The following NRXN1 variants were observed in gnomAD, a reference collection of about 807,000 sequenced individuals.
The protein encoded by NRXN1 is neurexin 1.
In NRXN1, 39 loss-of-function variants were observed where a neutral mutation model predicts 150.9. The ratio of observed to expected loss-of-function variants is 0.26; its 90% CI spans 0.20 to 0.34. The LOEUF (loss-of-function observed/expected upper bound fraction) is 0.34. Among genes scored for constraint, NRXN1 ranks in the 10% least tolerant of loss-of-function variants. The pLI, the probability that NRXN1 is intolerant of heterozygous loss-of-function variation, is 1.00. For synonymous variants in NRXN1, 924 were observed against 757.0 expected, an observed-to-expected ratio of 1.22 and a Z score of -3.62; for missense variants, 1,815 against 1,949.9, an observed-to-expected ratio of 0.93 and a Z score of 1.30.
chr2:50,701,485 C>A (rs755067760), intron 5 of NRXN1, among the ~76,000 whole-genome samples: 2 of 152,126 alleles, frequency 1.3e-5, no homozygotes, highest in Non-Finnish European at 2.9e-5. Flanking sequence ...AACCTTTTGC[C>A]TACATATATA....
At chr2:50,858,561 A>G (rs1675607733) in intron 5 of NRXN1, among the ~76,000 whole-genome samples, 1 of 147,858 alleles carries the variant, frequency 6.8e-6, no homozygotes, top group Non-Finnish European at 1.5e-5. Context: ...AATACCACAT[A>G]TCAAAAGGCT....
At chr2:50,538,127 A>T in intron 10 of NRXN1, 126 bp downstream of exon 10, 1 of 1,064,178 alleles carries the variant, frequency 9.4e-7, no homozygotes. Context: ...ATGGCTGCTC[A>T]GCTTGCAAAC....
chr2:50,260,699 C>G (rs1013398743), intron 17 of NRXN1, among the ~76,000 whole-genome samples: 1 of 142,710 alleles, frequency 7.0e-6, no homozygotes, highest in African/African-American at 2.6e-5. Flanking sequence ...CAGACCTAAC[C>G]TGTAGAAATG....
At chr2:50,763,300 G>A (rs1439475019) in intron 5 of NRXN1, among the ~76,000 whole-genome samples, 18 of 151,836 alleles carry the variant, frequency 1.2e-4, no homozygotes, top group Non-Finnish European at 1.5e-5. Flanking sequence ...TCAGACAGCT[G>A]GTCAGGTCTA....
chr2:51,025,744 A>G (rs527275048), intron 2 of NRXN1, among the ~76,000 whole-genome samples: 1 of 152,188 alleles, frequency 6.6e-6, no homozygotes, highest in Non-Finnish European at 1.5e-5. Flanking sequence ...TTCATGATTC[A>G]CAAGTAGATT....
chr2:50,403,941 A>G (rs1367117865), intron 17 of NRXN1, among the ~76,000 whole-genome samples: 1 of 152,082 alleles, frequency 6.6e-6, no homozygotes, highest in African/African-American at 2.4e-5. Context: ...CAATGTTCTG[A>G]GTTGTTGGAA....
At chr2:50,542,581 TA>T (rs1351076679) in intron 9 of NRXN1, among the ~76,000 whole-genome samples, 1 of 152,212 alleles carries the variant, frequency 6.6e-6, no homozygotes, top group Non-Finnish European at 1.5e-5. Flanking sequence ...AAAATCTTTG[TA>T]AAAGAGATGG....
intron 5 of NRXN1, among the ~76,000 whole-genome samples, chr2:50,781,505 A>G (rs1704343784): frequency 6.6e-6 from 1 of 152,208 alleles, no homozygotes; most frequent in Non-Finnish European, 1.5e-5. Flanking sequence ...GGAAGGAAGG[A>G]GAGTGATTCA....
intron 2 of NRXN1, among the ~76,000 whole-genome samples, chr2:50,929,073 AC>A (rs1034313284): frequency 6.6e-6 from 1 of 152,072 alleles, no homozygotes; most frequent in Non-Finnish European, 1.5e-5. Context: ...CTGTGTGCTG[AC>A]AAGAAGGCAA....
chr2:50,278,171 C>G (rs1224549807), intron 17 of NRXN1, among the ~76,000 whole-genome samples: 3 of 136,154 alleles, frequency 2.2e-5, no homozygotes, highest in Non-Finnish European at 3.1e-5. Flanking sequence ...GTGATCTTCC[C>G]AAGTCAGCAT....
At chr2:50,778,362 G>C (rs1383467007) in intron 5 of NRXN1, among the ~76,000 whole-genome samples, 1 of 152,144 alleles carries the variant, frequency 6.6e-6, no homozygotes, top group Non-Finnish European at 1.5e-5. Flanking sequence ...ATATAACATA[G>C]TAATTGTTTT....
chr2:50,242,422 T>A (rs73930320), intron 17 of NRXN1, among the ~76,000 whole-genome samples: 1,674 of 151,890 alleles, frequency 0.011, 32 homozygotes, highest in African/African-American at 0.038. Context: ...AACAAGTAAA[T>A]ACACTTTATT....
intron 17 of NRXN1, among the ~76,000 whole-genome samples, chr2:50,365,450 T>A (rs1379044366): frequency 6.6e-6 from 1 of 152,094 alleles, no homozygotes; most frequent in Non-Finnish European, 1.5e-5. Context: ...TTTTCACAGT[T>A]CATTTGTAAA....
intron 18 of NRXN1, among the ~76,000 whole-genome samples, chr2:50,230,152 G>A (rs1188559095): frequency 6.6e-6 from 1 of 152,032 alleles, no homozygotes; most frequent in Non-Finnish European, 1.5e-5. Context: ...CTTAGGAGGT[G>A]AAAAGATCCA....
intron 18 of NRXN1, among the ~76,000 whole-genome samples, chr2:50,207,024 T>A (rs574837537): frequency 6.6e-6 from 1 of 151,990 alleles, no homozygotes; most frequent in Non-Finnish European, 1.5e-5. Flanking sequence ...AAACAGCTGC[T>A]CTTCTAGCAC....
At chr2:50,942,617 GTTTTAGA>G (rs1689639793) in intron 2 of NRXN1, among the ~76,000 whole-genome samples, 1 of 152,170 alleles carries the variant, frequency 6.6e-6, no homozygotes, top group South Asian at 2.1e-4. Flanking sequence ...GCCCTGTTTG[GTTTTAGA>G]TTTTCATGGG....
intron 8 of NRXN1, among the ~76,000 whole-genome samples, chr2:50,596,026 C>T (rs1012515237): frequency 1.3e-5 from 2 of 152,136 alleles, no homozygotes; most frequent in Non-Finnish European, 2.9e-5. Flanking sequence ...ATATATATTC[C>T]TAGCTAGAGT....
chr2:50,466,593 T>C (rs1339520640), intron 16 of NRXN1: 7 of 435,590 alleles, frequency 1.6e-5, no homozygotes, highest in Non-Finnish European at 3.2e-5. Flanking sequence ...GGCATGCTGC[T>C]GTAAAGAGGG....
At chr2:50,437,958 T>G (rs1305854478) in intron 17 of NRXN1, among the ~76,000 whole-genome samples, 1 of 152,148 alleles carries the variant, frequency 6.6e-6, no homozygotes, top group Non-Finnish European at 1.5e-5. Context: ...GGACTGATAG[T>G]GCAACAAGGA....
Sources: allele counts gnomAD v4.1 joint callset (sites outside exome capture counted in the v4.1 genomes callset), GRCh38; gene constraint gnomAD v4.1.1; transcripts MANE v1.5; gene names NCBI Gene and HGNC (gene_info 2026-07-23, HGNC 2026-07-21).